SLIT1: variants seen among roughly 807,000 people sequenced by gnomAD.
The protein encoded by SLIT1 is slit guidance ligand 1.
Under a neutral mutation model 186.1 loss-of-function variants are expected in SLIT1, and 66 were observed. The ratio of observed to expected loss-of-function variants is 0.35; its 90% CI spans 0.29 to 0.44. SLIT1 has a LOEUF of 0.44. SLIT1 is among the 20% of genes least tolerant of loss of function. SLIT1 has a pLI of 1.00. For missense variants in SLIT1, 1,638 were observed against 2,037.4 expected (o/e 0.80, Z 3.77); for synonymous variants, 761 against 833.8 (o/e 0.91, Z 1.50).
intron 4 of SLIT1, among the ~76,000 whole-genome samples, chr10:97,091,566 T>A (rs117171804): frequency 6.6e-6 from 1 of 152,362 alleles, no homozygotes; most frequent in East Asian, 1.9e-4. Flanking sequence ...CAAATTCTCC[T>A]TGAAACAACT....
rs1256276040 is a variant in SLIT1, at chr10:97,043,027, C to A, written c.2038G>T (p.Ala680Ser). 1.9e-6 allele frequency: 3 copies of A among 1,614,202 alleles called. No individual in the cohort carries two copies. The highest frequency in any genetic ancestry group is 2.5e-6 in the Non-Finnish European group (3 of 1,180,024). Reference sequence around the variant, plus strand: ...TTCCGTAGCCAGCCTCCTAGCCAGGCCAGCTGGCAGTTGCAGTTGAAAGGG... The same window carrying A: ...TTCCGTAGCCAGCCTCCTAGCCAGGACAGCTGGCAGTTGCAGTTGAAAGGG... The part of the protein sequence containing the change: ...ANPFNCNCQL[A>S]WLGGWLRKRK... Residue 680 changes from alanine (A) to serine (S), a missense_variant, in exon 20 of 37, where the codon GCC becomes TCC. By Grantham distance (99) the Ala-to-Ser change is moderately conservative. This residue lies in a region of SLIT1 where 1,245 missense variants were observed against 1,535.3 expected (regional missense o/e 0.81). Transcript: ENST00000266058. The surrounding 1 kb of genome is among the most constrained non-coding windows in gnomAD (Gnocchi z 7.0).
At chr10:97,174,351 T>C (rs906449100) in intron 1 of SLIT1, among the ~76,000 whole-genome samples, 3 of 152,224 alleles carry the variant, frequency 2.0e-5, no homozygotes, top group Non-Finnish European at 4.4e-5. Flanking sequence ...TAGGGGCTGC[T>C]GGCATACCAT....
At chr10:97,032,785 C>T (rs1033256980) in intron 23 of SLIT1, among the ~76,000 whole-genome samples, 10 of 152,170 alleles carry the variant, frequency 6.6e-5, no homozygotes, top group South Asian at 2.1e-4. Flanking sequence ...CAAACTGTGG[C>T]ACATCCATGC....
In SLIT1 at chr10:97,018,972, C is replaced by A; in HGVS notation, c.2871+11G>T. 6.4e-7 allele frequency: 1 copy of A among 1,554,888 alleles called. No homozygotes were observed. The highest frequency in any genetic ancestry group is 8.9e-7 in the Non-Finnish European group (1 of 1,126,672). On this transcript the variant is annotated intron_variant, in intron 27 of 36. Transcript: ENST00000266058. ...GAGCCCTCCTCCTCCCCGGCCTCTGCCTCCACTCACCTTATAGCCGCTGGG... is the reference window on the plus strand; with the variant it reads ...GAGCCCTCCTCCTCCCCGGCCTCTGACTCCACTCACCTTATAGCCGCTGGG...
chr10:97,136,565 CAACA>C lies in SLIT1; in HGVS notation c.413+21249_413+21252del, dbSNP rs555345829. 1.7e-3 allele frequency among the ~76,000 whole-genome samples: 262 copies of C among 152,276 alleles called. 1 individual carries two copies. Among genetic ancestry groups the C allele is most frequent in the Non-Finnish European group, 3.4e-3 (230 of 68,016 alleles). ...AAAAAGCTTCAGGCTCCTGCCCCCA[CAACA>C]AACAAACAACCCATCTCCTTACACG... On this transcript the variant is annotated intron_variant, in intron 4 of 36. Coordinates refer to ENST00000266058, the MANE Select transcript of SLIT1 (RefSeq NM_003061.3).
At chr10:97,112,168 C>T (rs1849471042) in intron 4 of SLIT1, among the ~76,000 whole-genome samples, 2 of 152,214 alleles carry the variant, frequency 1.3e-5, no homozygotes, top group African/African-American at 4.8e-5. Flanking sequence ...GTCTCCTGGA[C>T]CCTCAGAGCC....
intron 3 of SLIT1, among the ~76,000 whole-genome samples, chr10:97,158,158 T>A (rs1192819573): frequency 1.3e-5 from 2 of 152,156 alleles, no homozygotes; most frequent in Non-Finnish European, 2.9e-5. Context: ...CTTCTTCCCA[T>A]AGCCATCATC....
intron 28 of SLIT1, among the ~76,000 whole-genome samples, chr10:97,018,143 G>C (rs1345999331): frequency 6.6e-6 from 1 of 152,072 alleles, no homozygotes; most frequent in Non-Finnish European, 1.5e-5. Context: ...CACCGAGCAC[G>C]GCCTGAATGG....
chr10:97,138,229 C>G lies in SLIT1; in HGVS notation c.413+19589G>C, dbSNP rs1398101246. ...ACCAATCTACCAAGTACACCAGTGGCCAATTATATTTGGGTAGCACCAGAG... is the reference window on the plus strand; with the variant it reads ...ACCAATCTACCAAGTACACCAGTGGGCAATTATATTTGGGTAGCACCAGAG... On this transcript the variant is annotated intron_variant, in intron 4 of 36. Coordinates refer to ENST00000266058, the MANE Select transcript of SLIT1 (RefSeq NM_003061.3). 2.0e-5 allele frequency among the ~76,000 whole-genome samples: 3 copies of G among 152,216 alleles called. No homozygotes were observed. The East Asian group carries it at 5.8e-4, about 29-fold the overall frequency.
chr10:97,068,212 C>T lies in SLIT1; in HGVS notation c.414-2126G>A, dbSNP rs528482221. Among the ~76,000 whole-genome samples, 3 of 152,214 alleles carry T rather than the reference C, an allele frequency of 2.0e-5. No individual in the cohort carries two copies. The East Asian group carries it at 5.8e-4, about 30-fold the overall frequency. ...TGGAGGGAGCTCAGTCCCCAGCTAC[C>T]TCCCCTTCTCTGGGCTGGGGACTTG... On this transcript the variant is annotated intron_variant, in intron 4 of 36. Coordinates refer to ENST00000266058, the MANE Select transcript of SLIT1 (RefSeq NM_003061.3). This position sits in a 1 kb window ranked among gnomAD's most constrained non-coding sequence, Gnocchi z 4.2.
intron 4 of SLIT1, among the ~76,000 whole-genome samples, chr10:97,077,123 C>T (rs1426264833): frequency 5.3e-5 from 8 of 152,246 alleles, no homozygotes; most frequent in Admixed American, 6.5e-5. Context: ...ACAAAATCAG[C>T]GAGACATGGT....
At chr10:97,040,997 C>CT (rs1195619244) in intron 20 of SLIT1, among the ~76,000 whole-genome samples, 1 of 152,204 alleles carries the variant, frequency 6.6e-6, no homozygotes, top group Non-Finnish European at 1.5e-5. Flanking sequence ...GAATGTGTTA[C>CT]TATTAGCCCA....
chr10:97,037,803 C>T (rs1454054321), intron 21 of SLIT1, 37 bp from the exon 22 acceptor site: 2 of 1,565,562 alleles, frequency 1.3e-6, no homozygotes, highest in Non-Finnish European at 1.8e-6. Context: ...TGCCCATCTC[C>T]ACCTCTGGTG....
At chr10:97,133,097 G>C (rs1023484696) in intron 4 of SLIT1, among the ~76,000 whole-genome samples, 2 of 152,228 alleles carry the variant, frequency 1.3e-5, no homozygotes, top group Non-Finnish European at 2.9e-5. Flanking sequence ...GAGCCAGAGA[G>C]TGGGAGCCAC....
Position 97,004,894 on chromosome 10 carries a change from G to A in SLIT1, c.3580-71C>T. The A allele has an allele frequency of 6.3e-7, 1 of 1,577,062 alleles. No individual in the cohort carries two copies. Among genetic ancestry groups the A allele is most frequent in the South Asian group, 1.1e-5 (1 of 89,000 alleles). On this transcript the variant is annotated intron_variant, in intron 32 of 36. Coordinates refer to ENST00000266058, the MANE Select transcript of SLIT1 (RefSeq NM_003061.3). The surrounding 1 kb of genome is among the most constrained non-coding windows in gnomAD (Gnocchi z 5.1). The stretch of plus-strand genomic sequence containing the variant: ...GCGGCACAGGCTAGCAGATGGGGCA[G>A]AGAGGGCACCCAAGATTGGAAGAGA...
rs751622556 is a variant in SLIT1, at chr10:97,065,982, C to T, written c.485+33G>A. On this transcript the variant is annotated intron_variant, in intron 5 of 36. Coordinates refer to ENST00000266058, the MANE Select transcript of SLIT1 (RefSeq NM_003061.3). The stretch of plus-strand genomic sequence containing the variant: ...GCTGCCAGGAGTGGCCCTGGAGCCC[C>T]CACACCCTTCTCCCTCCCAGGCCTG... 4.6e-6 allele frequency: 7 copies of T among 1,528,844 alleles called. No individual in the cohort carries two copies. The South Asian group carries it at 5.8e-5, about 13-fold the overall frequency. 94.7% of individuals were successfully genotyped at this position (1,528,844 alleles called of 1,614,324 possible). A position where few individuals can be genotyped will look rare whatever the true frequency, so the allele number is the denominator to read the frequency against.
rs774122173 is a variant in SLIT1 at position 97,000,885 on chromosome 10, C to T, written c.*227G>A. ...AGCGCCTATTTGTGCAAGGCACTTC[C>T]GGAGAGGGCAGCCCGCAGCTCAGGC... On this transcript the variant is annotated 3_prime_UTR_variant, in exon 37 of 37. Transcript: ENST00000266058. The T allele has an allele frequency of 2.0e-4, 117 of 576,926 alleles. No individual in the cohort carries two copies. Among genetic ancestry groups the T allele is most frequent in the Non-Finnish European group, 3.2e-4 (103 of 323,716 alleles). The allele number at this position is 576,926 out of a possible 1,614,324, so 35.7% of individuals were successfully genotyped here. A position where few individuals can be genotyped will look rare whatever the true frequency, so the allele number is the denominator to read the frequency against.
intron 4 of SLIT1, among the ~76,000 whole-genome samples, chr10:97,147,934 G>A (rs1417390681): frequency 1.3e-5 from 2 of 152,076 alleles, no homozygotes; most frequent in East Asian, 1.9e-4. Flanking sequence ...CATACCCTTC[G>A]ATACCTTGAA....
At chr10:97,160,877 T>A (rs902220792) in intron 3 of SLIT1, among the ~76,000 whole-genome samples, 1 of 152,140 alleles carries the variant, frequency 6.6e-6, no homozygotes, top group African/African-American at 2.4e-5. Flanking sequence ...CGTACCACTG[T>A]GCCTGGCTAA....
Sources: gnomAD v4.1 joint callset for allele counts (sites outside exome capture counted in the v4.1 genomes callset) on GRCh38, gnomAD v4.1.1 for gene constraint, gnomAD v4.1.1 regional missense constraint, Gnocchi (gnomAD v3.1) non-coding constraint, MANE v1.5 for transcripts, NCBI Gene and HGNC (gene_info 2026-07-23, HGNC 2026-07-21) for gene names.